Variants in ERCC1 observed in about 807,000 individuals in gnomAD.
ERCC1 encodes the protein ERCC excision repair 1, endonuclease non-catalytic subunit.
ERCC1 carries 36 observed loss-of-function variants against 37.6 expected under a neutral mutation model. The observed-to-expected ratio is 0.96, with a 90% CI of 0.73 to 1.26. The LOEUF (loss-of-function observed/expected upper bound fraction) is 1.26, where lower values mean the gene tolerates loss of function less well. Among genes scored for constraint, ERCC1 ranks in the 50% most tolerant of loss-of-function variants. The probability of loss-of-function intolerance (pLI) is 0.00; values close to 1 mark genes in which losing one functional copy is unlikely to be tolerated. For synonymous variants in ERCC1, 156 were observed against 162.1 expected (o/e 0.96, Z 0.28); for missense variants, 349 against 376.5 (o/e 0.93, Z 0.60).
chr19:45,409,846 G>A, intron 9 of ERCC1, 121 bp from the exon 10 acceptor site: 2 of 650,384 alleles, frequency 3.1e-6, no homozygotes, highest in East Asian at 2.8e-5. Flanking sequence ...TATCCATTGA[G>A]TTACAAACAA....
intron 1 of ERCC1, among the ~76,000 whole-genome samples, chr19:45,431,688 A>AAAC (rs1974835168): frequency 1.3e-5 from 2 of 151,674 alleles, no homozygotes; most frequent in South Asian, 4.2e-4. Flanking sequence ...AAAAAAAAAA[A>AAAC]AAACCAGCCT....
chr19:45,419,266 CT>C (rs1456666580), intron 4 of ERCC1, 69 bp from the exon 5 acceptor site: 2 of 1,104,998 alleles, frequency 1.8e-6, no homozygotes, highest in African/African-American at 3.1e-5. Flanking sequence ...CCTTTTCCCT[CT>C]CACTGGAATA....
At chr19:45,422,743 C>G (rs563708700) in intron 2 of ERCC1, among the ~76,000 whole-genome samples, 1 of 151,880 alleles carries the variant, frequency 6.6e-6, no homozygotes, top group Non-Finnish European at 1.5e-5. Context: ...GGCAAAAGAG[C>G]GAGACTCTGT....
In ERCC1 at chr19:45,408,600, G is replaced by A. The variant is rs759655642; in HGVS notation, c.*1075C>T. On this transcript the variant is annotated 3_prime_UTR_variant, in exon 10 of 10. Transcript: ENST00000300853. ...TTGGGGTCGCCAGAAATGGATGTGC[G>A]GAAGAAGAAGAAGAAAAAAAATCAG... is the stretch of plus-strand genomic sequence containing the variant. 32 of 1,613,598 alleles carry A rather than the reference G, an allele frequency of 2.0e-5. No homozygotes were observed. Among genetic ancestry groups the A allele is most frequent in the Admixed American group, 8.3e-5 (5 of 59,984 alleles).
In ERCC1 at chr19:45,408,500, G is replaced by T; in HGVS notation, c.*1175C>A. On this transcript the variant is annotated 3_prime_UTR_variant, in exon 10 of 10. Transcript: ENST00000300853. ...GCTCACCTCAGGGAAGAAGAAAAAG[G>T]AGATGCAGGTGACAGAGGCCCCAGT... The T allele has an allele frequency of 6.2e-7, 1 of 1,614,038 alleles. No homozygotes were observed. The highest frequency in any genetic ancestry group is 8.5e-7 in the Non-Finnish European group (1 of 1,179,984).
chr19:45,446,674 T>C (rs1354463214), intron 1 of ERCC1, among the ~76,000 whole-genome samples: 1 of 152,132 alleles, frequency 6.6e-6, no homozygotes, highest in Admixed American at 6.6e-5. Context: ...CCCGGAGCCA[T>C]GTCCTCATCA....
intron 6 of ERCC1, chr19:45,416,443 G>A (rs1008037912): frequency 2.9e-5 from 7 of 239,560 alleles, no homozygotes; most frequent in African/African-American, 1.6e-4. Context: ...CTGAGGTCAG[G>A]ATTTCAAGAC....
chr19:45,433,816 GTTTCTCTGTCAAAGGAGCAT>G (rs1395444046), intron 1 of ERCC1, among the ~76,000 whole-genome samples: 4 of 151,952 alleles, frequency 2.6e-5, no homozygotes, highest in Non-Finnish European at 5.9e-5. Flanking sequence ...GGTAGCGGAG[GTTTCTCTGTCAAAGGAGCAT>G]TTAAGGAGAG....
At chr19:45,443,113 T>C (rs537340135) in intron 1 of ERCC1, among the ~76,000 whole-genome samples, 235 of 152,152 alleles carry the variant, frequency 1.5e-3, no homozygotes, top group Non-Finnish European at 2.5e-3. Flanking sequence ...GAGGGATGTG[T>C]GGTGCCCTCT....
chr19:45,416,818 C>T lies in ERCC1; in HGVS notation c.602+3G>A. 2 of 1,611,936 alleles carry T rather than the reference C, an allele frequency of 1.2e-6. No individual in the cohort carries two copies. Among genetic ancestry groups the T allele is most frequent in the Middle Eastern group, 1.7e-4 (1 of 6,014 alleles). Reference sequence around the variant, plus strand: ...GAATGAGGCAGGGAAGCCCTCATCTCACCTCCAGGCGAGGATCAATGTGCA... The same window carrying T: ...GAATGAGGCAGGGAAGCCCTCATCTTACCTCCAGGCGAGGATCAATGTGCA... On this transcript the variant is annotated splice_donor_region_variant and intron_variant, in intron 6 of 9. Coordinates refer to ENST00000300853, the MANE Select transcript of ERCC1 (RefSeq NM_001983.4).
At chr19:45,419,791 G>A (rs542301706) in intron 4 of ERCC1, among the ~76,000 whole-genome samples, 1 of 152,252 alleles carries the variant, frequency 6.6e-6, no homozygotes, top group East Asian at 1.9e-4. Context: ...AAGGATGTCT[G>A]GGACATGAGT....
intron 1 of ERCC1, among the ~76,000 whole-genome samples, chr19:45,437,152 G>A (rs1975001950): frequency 6.6e-6 from 1 of 152,096 alleles, no homozygotes; most frequent in South Asian, 2.1e-4. Flanking sequence ...AGGAGGCTGA[G>A]GGAGGAGAAT....
chr19:45,442,217 G>A (rs1975138497), intron 1 of ERCC1, among the ~76,000 whole-genome samples: 1 of 151,524 alleles, frequency 6.6e-6, no homozygotes, highest in Admixed American at 6.6e-5. Flanking sequence ...TCAGGAGGCT[G>A]AGGTGGGTGG....
intron 1 of ERCC1, among the ~76,000 whole-genome samples, chr19:45,437,116 A>G (rs1208790106): frequency 6.6e-6 from 1 of 151,772 alleles, no homozygotes; most frequent in Admixed American, 6.6e-5. Context: ...AGGCGTTGTG[A>G]CACACGCCCG....
intron 1 of ERCC1, among the ~76,000 whole-genome samples, chr19:45,434,485 C>A (rs1198458773): frequency 6.6e-6 from 1 of 152,044 alleles, no homozygotes; most frequent in Non-Finnish European, 1.5e-5. Flanking sequence ...GAGTAAAGCC[C>A]TATCTCAAAA....
At chr19:45,437,502 G>A (rs892494100) in intron 1 of ERCC1, among the ~76,000 whole-genome samples, 1 of 152,096 alleles carries the variant, frequency 6.6e-6, no homozygotes, top group Non-Finnish European at 1.5e-5. Flanking sequence ...ATATACACAC[G>A]ATGGAATACT....
At chr19:45,422,880 C>A (rs1974525241) in intron 2 of ERCC1, among the ~76,000 whole-genome samples, 1 of 152,208 alleles carries the variant, frequency 6.6e-6, no homozygotes, top group South Asian at 2.1e-4. Context: ...ATTGTTTTCC[C>A]TTGGGAAGGA....
chr19:45,421,799 A>G (rs1974450398), intron 2 of ERCC1, among the ~76,000 whole-genome samples: 1 of 151,702 alleles, frequency 6.6e-6, no homozygotes, highest in Non-Finnish European at 1.5e-5. Flanking sequence ...ACGCTGGCTA[A>G]TTTTTGTATT....
At chr19:45,425,974 TG>T (rs540110997), upstream of ERCC1, among the ~76,000 whole-genome samples, 351 of 151,852 alleles carry the variant, frequency 2.3e-3, 3 homozygotes, top group African/African-American at 8.2e-3. Flanking sequence ...CTGGGCATGG[TG>T]GCTAATGTCT....
Sources: allele counts gnomAD v4.1 joint callset (sites outside exome capture counted in the v4.1 genomes callset), GRCh38; gene constraint gnomAD v4.1.1; transcripts MANE v1.5; gene names NCBI Gene and HGNC (gene_info 2026-07-23, HGNC 2026-07-21).